Variants in KIAA2012 observed in about 807,000 individuals in gnomAD.
The protein encoded by KIAA2012 is uncharacterized protein KIAA2012.
Under a neutral mutation model 150.6 loss-of-function variants are expected in KIAA2012, and 125 were observed. That is an observed-to-expected ratio of 0.83 (90% CI 0.72 to 0.96). The LOEUF is 0.96. KIAA2012 is among the 40% of genes least tolerant of loss of function. The pLI, the probability that KIAA2012 is intolerant of heterozygous loss-of-function variation, is 0.00. For synonymous variants in KIAA2012, 462 were observed against 504.7 expected (o/e 0.92, Z 1.13); for missense variants, 1,219 against 1,354.9 (o/e 0.90, Z 1.57).
intron 23 of KIAA2012, among the ~76,000 whole-genome samples, chr2:202,204,070 TTTTTTG>T (rs1257559575): frequency 1.6e-5 from 1 of 61,598 alleles, no homozygotes; most frequent in African/African-American, 6.3e-5. Flanking sequence ...CACCCAGCGG[TTTTTTG>T]TTTTTTTTTT....
At chr2:202,165,002 C>T (rs1005461962) in intron 14 of KIAA2012, among the ~76,000 whole-genome samples, 1 of 151,844 alleles carries the variant, frequency 6.6e-6, no homozygotes, top group African/African-American at 2.4e-5. Flanking sequence ...TGGACTCAAA[C>T]TCCTGGGAAC....
chr2:202,186,992 C>T lies in KIAA2012; in HGVS notation c.2270C>T (p.Ser757Leu). The T allele has an allele frequency of 6.4e-7, 1 of 1,550,598 alleles. No homozygotes were observed. Among genetic ancestry groups the T allele is most frequent in the South Asian group, 1.2e-5 (1 of 84,050 alleles). The stretch of plus-strand genomic sequence containing the variant: ...GGACTTCTGGGATACGGGCCTGAGT[C>T]ACCCGAGAGGTTGAGTGCTGTGTAT... ...HRGLLGYGPESPERLSAVYTS... is the reference protein window; with the variant it reads ...HRGLLGYGPELPERLSAVYTS... Residue 757 changes from serine (S) to leucine (L), a missense_variant, in exon 17 of 24, where the codon TCA becomes TTA. Ser to Leu is a moderately radical substitution (Grantham distance 145). Coordinates refer to ENST00000498697, the MANE Select transcript of KIAA2012 (RefSeq NM_001277372.4).
chr2:202,119,629 A>G (rs1197073261), intron 11 of KIAA2012, among the ~76,000 whole-genome samples: 3 of 152,184 alleles, frequency 2.0e-5, no homozygotes, highest in Non-Finnish European at 4.4e-5. Flanking sequence ...TCTGAACCCA[A>G]CTAACTCTTC....
At chr2:202,125,323 T>A (rs1251011578) in intron 12 of KIAA2012, 41 bp downstream of exon 12, 1 of 1,436,344 alleles carries the variant, frequency 7.0e-7, no homozygotes, top group Admixed American at 2.0e-5. Flanking sequence ...CTTCTCTATG[T>A]AATTTGACTC....
intron 23 of KIAA2012, among the ~76,000 whole-genome samples, chr2:202,203,711 G>A (rs1358416919): frequency 6.6e-6 from 1 of 151,340 alleles, no homozygotes; most frequent in Non-Finnish European, 1.5e-5. Flanking sequence ...GTGCCCTGAA[G>A]AATTAACCAC....
rs1025207912 is a variant in KIAA2012, at chr2:202,194,326, CA to C, written c.3152del (p.Gln1051ArgfsTer26). On this transcript the variant is annotated frameshift_variant, in exon 21 of 24. Transcript: ENST00000498697. LOFTEE classifies it high-confidence loss of function. ...EEFRRKLRELQRKKQQEEAER... is the reference protein window; with the variant it reads ...EEFRRKLRELXRKKQQEEAER... ...GTTTCGGAGGAAACTGCGAGAACTA[CA>C]GAGAAAAAAGCAGCAGGAGGAAGCC... 1.3e-4 allele frequency: 195 copies of C among 1,550,346 alleles called. No homozygotes were observed. In the African/African-American group the frequency reaches 2.5e-3, roughly 20 times the overall value.
chr2:202,133,130 A>ATATTTTTTTTTTTTTT (rs1279080237), intron 12 of KIAA2012, among the ~76,000 whole-genome samples: 1 of 67,784 alleles, frequency 1.5e-5, no homozygotes, highest in Non-Finnish European at 2.9e-5. Context: ...ATATATATAT[A>ATATTTTTTTTTTTTTT]TTTTTTTTTT....
intron 19 of KIAA2012, among the ~76,000 whole-genome samples, chr2:202,192,436 C>T (rs1197821061): frequency 6.6e-6 from 1 of 151,380 alleles, no homozygotes; most frequent in Non-Finnish European, 1.5e-5. Context: ...CCTAAGATTG[C>T]CCCTGGTAAA....
chr2:202,111,511 A>C (rs1314490083), intron 10 of KIAA2012, among the ~76,000 whole-genome samples: 3 of 53,372 alleles, frequency 5.6e-5, no homozygotes, highest in African/African-American at 1.2e-4. Context: ...CTCTGTCTCA[A>C]AAAAAAAAAA....
chr2:202,177,471 C>T (rs1165739668), intron 15 of KIAA2012, among the ~76,000 whole-genome samples: 1 of 152,084 alleles, frequency 6.6e-6, no homozygotes, highest in African/African-American at 2.4e-5. Context: ...CTGAGAAGCC[C>T]AAGATCAAGA....
chr2:202,092,344 T>C (rs1245326749), intron 3 of KIAA2012, among the ~76,000 whole-genome samples: 1 of 152,212 alleles, frequency 6.6e-6, no homozygotes, highest in Non-Finnish European at 1.5e-5. Context: ...CACTTTATGA[T>C]ACTAATGTAC....
chr2:202,074,050 C>T (rs577497433), intron 1 of KIAA2012, among the ~76,000 whole-genome samples: 18 of 152,024 alleles, frequency 1.2e-4, no homozygotes, highest in African/African-American at 3.1e-4. Flanking sequence ...TTTTGGAAGT[C>T]GTGCTCTGCA....
intron 9 of KIAA2012, among the ~76,000 whole-genome samples, chr2:202,107,220 T>C (rs1690219548): frequency 7.3e-6 from 1 of 136,868 alleles, no homozygotes; most frequent in Non-Finnish European, 1.6e-5. Context: ...ATTGTGACTT[T>C]TCTAACTAAT....
At chr2:202,145,544 T>C (rs1366480116) in intron 13 of KIAA2012, among the ~76,000 whole-genome samples, 1 of 152,206 alleles carries the variant, frequency 6.6e-6, no homozygotes, top group African/African-American at 2.4e-5. Context: ...ACACATAATA[T>C]CTGCGTAGTT....
chr2:202,161,254 T>C (rs1197425033), intron 14 of KIAA2012, among the ~76,000 whole-genome samples: 1 of 152,104 alleles, frequency 6.6e-6, no homozygotes, highest in Non-Finnish European at 1.5e-5. Flanking sequence ...TTCAATGCTG[T>C]AGTTTGTGTT....
chr2:202,169,753 C>A (rs1691847105), intron 15 of KIAA2012, among the ~76,000 whole-genome samples: 1 of 152,146 alleles, frequency 6.6e-6, no homozygotes, highest in Admixed American at 6.5e-5. Flanking sequence ...TTCGTATGCC[C>A]ACTGATGTCT....
At chr2:202,108,551 T>G (rs143890064) in intron 9 of KIAA2012, among the ~76,000 whole-genome samples, 1 of 152,228 alleles carries the variant, frequency 6.6e-6, no homozygotes, top group Non-Finnish European at 1.5e-5. Context: ...GACATCGACA[T>G]TTTTGAAGAA....
In KIAA2012 at chr2:202,104,781, G is replaced by T. The variant is rs984492343; in HGVS notation, c.1325-980G>T. ...GAGTCATTTACTGTGTCTAGGAATT[G>T]GCCAGCCCTGGGAGGGACAGTCAGG... On this transcript the variant is annotated intron_variant, in intron 8 of 23. Coordinates refer to ENST00000498697, the MANE Select transcript of KIAA2012 (RefSeq NM_001277372.4). The surrounding 1 kb of genome is among the most constrained non-coding windows in gnomAD (Gnocchi z 4.3). Among the ~76,000 whole-genome samples the T allele has an allele frequency of 6.6e-6, 1 of 152,098 alleles. No homozygotes were observed. Among genetic ancestry groups the T allele is most frequent in the Non-Finnish European group, 1.5e-5 (1 of 68,020 alleles).
chr2:202,094,524 T>C (rs1462108263), intron 4 of KIAA2012, among the ~76,000 whole-genome samples: 1 of 151,994 alleles, frequency 6.6e-6, no homozygotes, highest in East Asian at 1.9e-4. Context: ...TATTTTTTAT[T>C]TTTTTTAGAG....
Sources: gnomAD v4.1 joint callset for allele counts (sites outside exome capture counted in the v4.1 genomes callset) on GRCh38, gnomAD v4.1.1 for gene constraint, Gnocchi (gnomAD v3.1) non-coding constraint, MANE v1.5 for transcripts, NCBI Gene and HGNC (gene_info 2026-07-23, HGNC 2026-07-21) for gene names.